Variants in ERI2 observed in about 807,000 individuals in gnomAD.
ERI2 encodes the protein ERI1 exoribonuclease 2.
ERI2 carries 35 observed loss-of-function variants against 46.8 expected under a neutral mutation model. The observed-to-expected ratio is 0.75, with a 90% CI of 0.57 to 0.99. The LOEUF is 0.99. Ranked by LOEUF, ERI2 falls within the 50% of genes least tolerant of loss-of-function variation. ERI2 has a pLI of 0.00. For synonymous variants in ERI2, 224 were observed against 271.0 expected, an observed-to-expected ratio of 0.83 and a Z score of 1.70; for missense variants, 695 against 796.2, an observed-to-expected ratio of 0.87 and a Z score of 1.53.
intron 9 of ERI2, chr16:20,789,692 T>C: frequency 1.6e-6 from 1 of 626,056 alleles, no homozygotes; most frequent in Non-Finnish European, 2.7e-6. Context: ...TTCTTTTTTT[T>C]TTTTTTTTTT....
rs34242757 is a variant in ERI2 at position 20,799,886 on chromosome 16, C to CA, written c.643+70dup. On this transcript the variant is annotated intron_variant, in intron 7 of 8. Coordinates refer to ENST00000357967, the MANE Select transcript of ERI2 (RefSeq NM_001142725.2). ...AGATATCCCTTACTAATGACATTAC[C>CA]AAAAAATGAAATTCATATGAAGTAT... The CA allele has an allele frequency of 7.2e-3, 6,644 of 924,994 alleles. 325 individuals are homozygous for CA. The African/African-American group carries it at 0.1, about 14-fold the overall frequency. 57.3% of individuals were successfully genotyped at this position (924,994 alleles called of 1,614,324 possible). A position where few individuals can be genotyped will look rare whatever the true frequency, so the allele number is the denominator to read the frequency against.
downstream of ERI2, among the ~76,000 whole-genome samples, chr16:20,793,840 A>G (rs779342546): frequency 1.3e-5 from 2 of 152,082 alleles, no homozygotes; most frequent in Non-Finnish European, 2.9e-5. Context: ...CATCAGTTTT[A>G]CCCACCTAGA....
intron 10 of ERI2, among the ~76,000 whole-genome samples, chr16:20,782,633 G>A (rs769615767): frequency 2.0e-5 from 3 of 152,034 alleles, no homozygotes; most frequent in Non-Finnish European, 4.4e-5. Context: ...TATCCCACAG[G>A]TTAATGACTC....
In ERI2 at chr16:20,796,496, A is replaced by G; in HGVS notation, c.*1228T>C. 3 of 1,610,304 alleles carry G rather than the reference A, an allele frequency of 1.9e-6. No homozygotes were observed. Among genetic ancestry groups the G allele is most frequent in the Non-Finnish European group, 2.5e-6 (3 of 1,179,192 alleles). On this transcript the variant is annotated 3_prime_UTR_variant, in exon 9 of 9. Coordinates refer to ENST00000357967, the MANE Select transcript of ERI2 (RefSeq NM_001142725.2). ...TTACAAATATCCCAGAAAGGTAGGC[A>G]TCCTAATTATAACGAATATTTGCTC...
rs368216253 is a variant in ERI2 at position 20,804,652 on chromosome 16, C to T, written c.24-982G>A. Among the ~76,000 whole-genome samples, 139 of 151,830 alleles carry T rather than the reference C, an allele frequency of 9.2e-4. 4 individuals carry two copies. The South Asian group carries it at 0.028, about 31-fold the overall frequency. On this transcript the variant is annotated intron_variant, in intron 1 of 8. Transcript: ENST00000357967. ...CTGCACTCCAGCATGGGCAACAGAG[C>T]GAGACCCTGTCTCAAAAAAATAAAT...
intron 4 of ERI2, among the ~76,000 whole-genome samples, chr16:20,801,592 G>C (rs1429207596): frequency 6.6e-6 from 1 of 152,074 alleles, no homozygotes; most frequent in Non-Finnish European, 1.5e-5. Flanking sequence ...ACCCACCAAG[G>C]TAAGAAAGAT....
At position 20,799,820 on chromosome 16, in the gene ERI2, T is replaced by C. The variant is rs1323820632; in HGVS notation, c.643+137A>G. ...GGTAATTTGAAAGTCTTAGAAACAA[T>C]GTGAATTGTTTAGATTAGGAGTTTT... On this transcript the variant is annotated intron_variant, in intron 7 of 8. Coordinates refer to ENST00000357967, the MANE Select transcript of ERI2 (RefSeq NM_001142725.2). The C allele has an allele frequency of 1.2e-5, 7 of 581,348 alleles. No homozygotes were observed. In the Admixed American group the frequency reaches 2.4e-4, roughly 20 times the overall value. The allele number at this position is 581,348 out of a possible 1,614,324, so 36.0% of individuals were successfully genotyped here.
intron 5 of ERI2, 76 bp from the exon 6 acceptor site, chr16:20,800,478 T>C (rs1265641156): frequency 2.5e-6 from 2 of 798,500 alleles, no homozygotes; most frequent in East Asian, 2.5e-5. Flanking sequence ...CATTTACAAA[T>C]AGAATGCTAG....
At chr16:20,784,823 A>AGTTGTATAT (rs1250192461) in intron 10 of ERI2, among the ~76,000 whole-genome samples, 3 of 152,126 alleles carry the variant, frequency 2.0e-5, no homozygotes, top group Admixed American at 6.6e-5. Context: ...GGTACTTAGT[A>AGTTGTATAT]GTTGTATATG....
chr16:20,795,308 C>T (rs559712996), downstream of ERI2, among the ~76,000 whole-genome samples: 5 of 152,306 alleles, frequency 3.3e-5, no homozygotes, highest in South Asian at 1.0e-3. Context: ...GCGTGACCCA[C>T]TGTGCCTGGC....
chr16:20,787,520 C>T (rs2080500130), intron 10 of ERI2, among the ~76,000 whole-genome samples: 1 of 152,184 alleles, frequency 6.6e-6, no homozygotes, highest in African/African-American at 2.4e-5. Context: ...CTGGAGAGAC[C>T]AATTCAATAG....
rs1417943166 is a variant in ERI2, at chr16:20,781,010, G to A, written c.895-276C>T. 13 of 1,614,014 alleles carry A rather than the reference G, an allele frequency of 8.1e-6. No individual in the cohort carries two copies. In the South Asian group the frequency reaches 1.1e-4, roughly 14 times the overall value. On this transcript the variant is annotated intron_variant, in intron 10 of 10. Transcript: ENST00000300005. ...ATTTGACACCCTCAGATGTGATGTG[G>A]AATACCTCAGATACGGGCTGGGCAA... is the stretch of plus-strand genomic sequence containing the variant.
intron 10 of ERI2, chr16:20,783,141 G>A (rs2080390714): frequency 6.6e-6 from 1 of 152,152 alleles, no homozygotes; most frequent in Non-Finnish European, 1.5e-5. Context: ...CCCATTGAGA[G>A]TCGCCTCATG....
Position 20,796,560 on chromosome 16 carries a change from T to A in ERI2, c.*1164A>T. On this transcript the variant is annotated 3_prime_UTR_variant, in exon 9 of 9. Coordinates refer to ENST00000357967, the MANE Select transcript of ERI2 (RefSeq NM_001142725.2). ...ATTTCAAGTGTTTATTTTTACATTT[T>A]AATGAATATTTTCTTCACACATGCT... The A allele has an allele frequency of 6.3e-7, 1 of 1,589,944 alleles. No homozygotes were observed. Among genetic ancestry groups the A allele is most frequent in the South Asian group, 1.1e-5 (1 of 87,074 alleles).
chr16:20,795,639 T>C (rs1326923810), downstream of ERI2, among the ~76,000 whole-genome samples: 1 of 152,216 alleles, frequency 6.6e-6, no homozygotes, highest in African/African-American at 2.4e-5. Context: ...GAACTGTGCC[T>C]ACAGGGAAGC....
Position 20,799,313 on chromosome 16 carries a change from T to C in ERI2, c.682A>G (p.Lys228Glu). The C allele has an allele frequency of 6.2e-7, 1 of 1,613,778 alleles. No individual in the cohort carries two copies. Among genetic ancestry groups the C allele is most frequent in the Non-Finnish European group, 8.5e-7 (1 of 1,179,738 alleles). ...ATTACACAACCATCTCTGATCATTT[T>C]CCAAGCAAGAAGGGCAGTATTCCGA... ...DSRNTALLAWKMIRDGCVMKI... is the reference protein window; with the variant it reads ...DSRNTALLAWEMIRDGCVMKI... The change falls in exon 8 of 9, where the codon AAA (lysine) becomes GAA (glutamate). Residue 228 changes from lysine to glutamate, a missense_variant. Transcript: ENST00000357967.
chr16:20,780,321 TAA>T (rs2080325548), exon 11 of ERI2: 1 of 326,108 alleles, frequency 3.1e-6, no homozygotes, highest in Admixed American at 4.6e-5. Flanking sequence ...TACTCATTTT[TAA>T]AAAATCACAT....
intron 4 of ERI2, among the ~76,000 whole-genome samples, chr16:20,802,089 C>G (rs920881593): frequency 1.0e-4 from 15 of 150,340 alleles, no homozygotes; most frequent in Non-Finnish European, 1.6e-4. Flanking sequence ...CGCCTGTAAT[C>G]CCAGCACCTC....
At position 20,796,911 on chromosome 16, in the gene ERI2, A is replaced by C. The variant is rs773445224; in HGVS notation, c.*813T>G. 2 of 1,612,956 alleles carry C rather than the reference A, an allele frequency of 1.2e-6. No homozygotes were observed. The highest frequency in any genetic ancestry group is 1.7e-6 in the Non-Finnish European group (2 of 1,179,546). On this transcript the variant is annotated 3_prime_UTR_variant, in exon 9 of 9. Transcript: ENST00000357967. ...GTAGAATTTATTCAAGAGCTGCCAAAGACTATCAGTGGGAAGACAAAAAGA... is the reference window on the plus strand; with the variant it reads ...GTAGAATTTATTCAAGAGCTGCCAACGACTATCAGTGGGAAGACAAAAAGA...
Sources: gnomAD v4.1 joint callset for allele counts (sites outside exome capture counted in the v4.1 genomes callset) on GRCh38, gnomAD v4.1.1 for gene constraint, MANE v1.5 for transcripts, NCBI Gene and HGNC (gene_info 2026-07-23, HGNC 2026-07-21) for gene names.